Variants in ZNF618 observed in about 807,000 individuals in gnomAD.
ZNF618 encodes the protein neural precursor cell expressed, developmentally down-regulated 10.
ZNF618 carries 34 observed loss-of-function variants against 103.0 expected under a neutral mutation model. The observed-to-expected ratio is 0.33, with a 90% CI of 0.25 to 0.44. ZNF618 has a LOEUF of 0.44. Ranked by LOEUF, ZNF618 falls within the 20% of genes least tolerant of loss-of-function variation. The pLI, the probability that ZNF618 is intolerant of heterozygous loss-of-function variation, is 1.00. For synonymous variants in ZNF618, 551 were observed against 542.2 expected (o/e 1.02, Z -0.23); for missense variants, 1,059 against 1,295.4 (o/e 0.82, Z 2.80).
chr9:114,040,828 T>C (rs896525258), intron 13 of ZNF618, among the ~76,000 whole-genome samples: 2 of 152,240 alleles, frequency 1.3e-5, no homozygotes, highest in African/African-American at 2.4e-5. Flanking sequence ...TGATTTATAA[T>C]CCTTTGGGTA....
intron 11 of ZNF618, among the ~76,000 whole-genome samples, chr9:114,030,548 A>G (rs1449988430): frequency 1.3e-5 from 2 of 152,170 alleles, no homozygotes; most frequent in African/African-American, 4.8e-5. Flanking sequence ...GCATTCAGCA[A>G]GCTATGGGAC....
rs1460022251 is a variant in ZNF618 at position 113,979,672 on chromosome 9, GGGCTT to G, written c.78-8646_78-8642del. Among the ~76,000 whole-genome samples, 5 of 152,316 alleles carry G rather than the reference GGGCTT, an allele frequency of 3.3e-5. No homozygotes were observed. The South Asian group carries it at 8.3e-4, about 25-fold the overall frequency. ...TGCCATGCTGGCATTGACCTTTCCT[GGGCTT>G]GGTCCTTGGTTCACTTGGTAAACAG... On this transcript the variant is annotated intron_variant, in intron 2 of 14. Transcript: ENST00000374126.
intron 1 of ZNF618, among the ~76,000 whole-genome samples, chr9:113,942,803 G>A (rs1364453041): frequency 1.3e-5 from 2 of 152,158 alleles, no homozygotes; most frequent in African/African-American, 4.8e-5. Context: ...CATTTTAATA[G>A]CAACAAGACC....
chr9:113,939,828 A>G (rs1834391749), intron 1 of ZNF618, among the ~76,000 whole-genome samples: 1 of 151,702 alleles, frequency 6.6e-6, no homozygotes, highest in Admixed American at 6.6e-5. Flanking sequence ...TCATTTTTTA[A>G]TATTTCAAGT....
chr9:113,943,409 C>T (rs1031777056), intron 1 of ZNF618, among the ~76,000 whole-genome samples: 2 of 152,114 alleles, frequency 1.3e-5, no homozygotes, highest in African/African-American at 2.4e-5. Flanking sequence ...CCTGGAGCCA[C>T]GTGTGATGCA....
In ZNF618 at chr9:114,054,809, G is replaced by C. The variant is rs1230790387; in HGVS notation, c.*4642G>C. 1 of 152,496 alleles carries C rather than the reference G, an allele frequency of 6.6e-6. No homozygotes were observed. The highest frequency in any genetic ancestry group is 1.5e-5 in the Non-Finnish European group (1 of 68,070). 9.4% of individuals were successfully genotyped at this position (152,496 alleles called of 1,614,324 possible). A position where few individuals can be genotyped will look rare whatever the true frequency, so the allele number is the denominator to read the frequency against. Reference sequence around the variant, plus strand: ...TCTCTCATTTGGGTTTGAGGATTGTGGTCGGGGGAGCCCTGGCTTTCACCA... The same window carrying C: ...TCTCTCATTTGGGTTTGAGGATTGTCGTCGGGGGAGCCCTGGCTTTCACCA... On this transcript the variant is annotated 3_prime_UTR_variant, in exon 15 of 15. Coordinates refer to ENST00000374126, the MANE Select transcript of ZNF618 (RefSeq NM_001318042.2).
At chr9:113,876,517 C>T in intron 1 of ZNF618, 104 bp downstream of exon 1, 4 of 948,250 alleles carry the variant, frequency 4.2e-6, no homozygotes, top group Non-Finnish European at 5.3e-6. Context: ...TGCAAAGTGC[C>T]TGGGCACGTT....
intron 13 of ZNF618, among the ~76,000 whole-genome samples, chr9:114,041,600 T>G (rs1357834202): frequency 3.9e-5 from 6 of 152,182 alleles, no homozygotes; most frequent in Admixed American, 6.5e-5. Context: ...TTTCCCCATT[T>G]CTTGTTTTTG....
chr9:113,946,363 G>A (rs1285192594), intron 1 of ZNF618, among the ~76,000 whole-genome samples: 3 of 150,406 alleles, frequency 2.0e-5, no homozygotes, highest in Non-Finnish European at 4.4e-5. Context: ...GGAGAAAAAG[G>A]CAGTGAATGC....
intron 4 of ZNF618, among the ~76,000 whole-genome samples, chr9:113,998,944 G>A (rs765461827): frequency 6.6e-6 from 1 of 152,232 alleles, no homozygotes; most frequent in South Asian, 2.1e-4. Context: ...GAGCCACCAC[G>A]TTATCCCTCA....
In ZNF618 at chr9:114,052,389, A is replaced by C. The variant is rs1283177654; in HGVS notation, c.*2222A>C. 6.6e-6 allele frequency: 1 copy of C among 152,630 alleles called. No homozygotes were observed. Among genetic ancestry groups the C allele is most frequent in the Non-Finnish European group, 1.5e-5 (1 of 68,054 alleles). The allele number at this position is 152,630 out of a possible 1,614,324, so 9.5% of individuals were successfully genotyped here. A position where few individuals can be genotyped will look rare whatever the true frequency, so the allele number is the denominator to read the frequency against. ...TAGGTATTACCTCCACAACATTTCC[A>C]ACTGGGGGACTGAGCCCACTTATCA... On this transcript the variant is annotated 3_prime_UTR_variant, in exon 15 of 15. Coordinates refer to ENST00000374126, the MANE Select transcript of ZNF618 (RefSeq NM_001318042.2).
At chr9:114,006,665 G>A (rs1304296996) in intron 6 of ZNF618, among the ~76,000 whole-genome samples, 1 of 152,170 alleles carries the variant, frequency 6.6e-6, no homozygotes, top group Non-Finnish European at 1.5e-5. Flanking sequence ...CAAGAATTTG[G>A]ATATGGCTTT....
chr9:113,909,502 G>A (rs1831308080), intron 1 of ZNF618, among the ~76,000 whole-genome samples: 2 of 152,156 alleles, frequency 1.3e-5, no homozygotes, highest in Non-Finnish European at 2.9e-5. Flanking sequence ...AGGGCTCAGT[G>A]GGCAGCTGTC....
At chr9:113,983,270 G>A (rs572035871) in intron 2 of ZNF618, among the ~76,000 whole-genome samples, 1 of 152,262 alleles carries the variant, frequency 6.6e-6, no homozygotes, top group South Asian at 2.1e-4. Flanking sequence ...AAGGAGCTGC[G>A]CCACTAACTC....
intron 13 of ZNF618, among the ~76,000 whole-genome samples, chr9:114,040,257 C>G (rs909428807): frequency 1.3e-5 from 2 of 151,924 alleles, no homozygotes; most frequent in South Asian, 4.2e-4. Context: ...GTCACACCAT[C>G]GCAGAACTGG....
At chr9:113,968,998 T>C in intron 1 of ZNF618, 119 bp from the exon 2 acceptor site, 1 of 1,182,336 alleles carries the variant, frequency 8.5e-7, no homozygotes, top group Non-Finnish European at 1.3e-6. Context: ...CAGGGGCTTG[T>C]GGCCAGCTCA....
intron 2 of ZNF618, among the ~76,000 whole-genome samples, chr9:113,973,651 T>G (rs567512849): frequency 6.6e-6 from 1 of 152,346 alleles, no homozygotes; most frequent in East Asian, 1.9e-4. Context: ...CAAACCCCAC[T>G]TATTCTAAGG....
At chr9:113,935,970 A>G (rs556362309) in intron 1 of ZNF618, among the ~76,000 whole-genome samples, 382 of 151,676 alleles carry the variant, frequency 2.5e-3, no homozygotes, top group Non-Finnish European at 2.7e-3. Context: ...TTTTTTCTCT[A>G]TTGAGATAGG....
At chr9:113,898,895 T>G (rs1830272127) in intron 1 of ZNF618, among the ~76,000 whole-genome samples, 1 of 152,164 alleles carries the variant, frequency 6.6e-6, no homozygotes, top group Admixed American at 6.5e-5. Context: ...CTGGTAGGAT[T>G]GTGGGGTGGG....
Sources: allele counts gnomAD v4.1 joint callset (sites outside exome capture counted in the v4.1 genomes callset), GRCh38; gene constraint gnomAD v4.1.1; transcripts MANE v1.5; gene names NCBI Gene and HGNC (gene_info 2026-07-23, HGNC 2026-07-21).